The following ITGBL1 variants were observed in gnomAD, a reference collection of about 807,000 sequenced individuals.
ITGBL1 encodes integrin subunit beta like 1, also known as integrin beta-like protein 1.
ITGBL1 carries 51 observed loss-of-function variants against 68.5 expected under a neutral mutation model. The observed-to-expected ratio is 0.74, with a 90% CI of 0.59 to 0.94. The LOEUF is 0.94. Among genes scored for constraint, ITGBL1 ranks in the 40% least tolerant of loss-of-function variants. The pLI is 0.00. For synonymous variants in ITGBL1, 209 were observed against 227.3 expected (o/e 0.92, Z 0.72); for missense variants, 649 against 647.4 (o/e 1.00, Z -0.03).
intron 2 of ITGBL1, among the ~76,000 whole-genome samples, chr13:101,490,266 A>G (rs2048757215): frequency 6.6e-6 from 1 of 152,234 alleles, no homozygotes; most frequent in Admixed American, 6.5e-5. Flanking sequence ...TCTGCAAGCC[A>G]GGAAGAGAGC....
At chr13:101,681,151 C>T (rs530001805) in intron 7 of ITGBL1, among the ~76,000 whole-genome samples, 2 of 152,258 alleles carry the variant, frequency 1.3e-5, no homozygotes, top group Admixed American at 1.3e-4. Context: ...ATTGTGAGCC[C>T]TGCTAAACCT....
chr13:101,502,913 T>G (rs1028097610), intron 2 of ITGBL1, among the ~76,000 whole-genome samples: 2 of 152,198 alleles, frequency 1.3e-5, no homozygotes, highest in African/African-American at 2.4e-5. Flanking sequence ...GATTGTTCCT[T>G]AGTGTTTTTC....
chr13:101,490,911 ATACT>A (rs2048766649), intron 2 of ITGBL1, among the ~76,000 whole-genome samples: 2 of 152,182 alleles, frequency 1.3e-5, no homozygotes. Flanking sequence ...AGGGCCACAG[ATACT>A]TACTGACATT....
intron 2 of ITGBL1, among the ~76,000 whole-genome samples, chr13:101,517,604 TATC>T (rs1412040866): frequency 6.6e-6 from 1 of 152,176 alleles, no homozygotes; most frequent in Non-Finnish European, 1.5e-5. Context: ...CACTAAATGA[TATC>T]ATAATCCTAC....
intron 2 of ITGBL1, among the ~76,000 whole-genome samples, chr13:101,465,664 T>C (rs9585707): frequency 0.094 from 14,376 of 152,204 alleles, 2,053 homozygotes; most frequent in African/African-American, 0.31. Flanking sequence ...CCCTATTATC[T>C]ACTTTTCCAC....
chr13:101,610,225 C>T (rs374074734), intron 7 of ITGBL1, among the ~76,000 whole-genome samples: 26 of 152,006 alleles, frequency 1.7e-4, no homozygotes, highest in African/African-American at 6.3e-4. Flanking sequence ...AACAGGCAAA[C>T]CAGATACTTT....
chr13:101,547,911 A>G (rs554374593), intron 2 of ITGBL1, among the ~76,000 whole-genome samples: 2,416 of 114,788 alleles, frequency 0.021, 75 homozygotes, highest in African/African-American at 0.1. Context: ...GTGTGTGTGT[A>G]TATATATATA....
At chr13:101,570,196 G>T (rs1239510765) in intron 3 of ITGBL1, among the ~76,000 whole-genome samples, 1 of 152,054 alleles carries the variant, frequency 6.6e-6, no homozygotes, top group Non-Finnish European at 1.5e-5. Context: ...TTATTTCATT[G>T]ATTTGTTATT....
rs61965090 is a variant in ITGBL1 at position 101,665,359 on chromosome 13, C to T, written c.1016-27226C>T. ...GGTCTTGACATATTTCATGAATATT[C>T]CTATTTTCTGTTTTTTATATGTTAT... On this transcript the variant is annotated intron_variant, in intron 7 of 10. Coordinates refer to ENST00000376180, the MANE Select transcript of ITGBL1 (RefSeq NM_004791.3). Among the ~76,000 whole-genome samples the T allele has an allele frequency of 2.0e-3, 307 of 151,680 alleles. 1 individual carries two copies. The highest frequency in any genetic ancestry group is 3.6e-3 in the Non-Finnish European group (244 of 67,896).
chr13:101,483,928 C>T (rs1264873019), intron 2 of ITGBL1, among the ~76,000 whole-genome samples: 1 of 152,136 alleles, frequency 6.6e-6, no homozygotes, highest in Non-Finnish European at 1.5e-5. Context: ...CCTCTATTCA[C>T]ACAGCAGGGC....
intron 2 of ITGBL1, among the ~76,000 whole-genome samples, chr13:101,527,228 A>T (rs2049396196): frequency 6.6e-6 from 1 of 152,102 alleles, no homozygotes; most frequent in South Asian, 2.1e-4. Flanking sequence ...TCTCCAAAAT[A>T]TTTCCTCATG....
At chr13:101,556,509 C>T (rs574693645) in intron 2 of ITGBL1, among the ~76,000 whole-genome samples, 2 of 152,220 alleles carry the variant, frequency 1.3e-5, no homozygotes, top group Admixed American at 1.3e-4. Context: ...GTGGCACATG[C>T]CTGTAATCCC....
intron 6 of ITGBL1, 109 bp from the exon 7 acceptor site, chr13:101,598,044 G>A: frequency 2.0e-6 from 2 of 1,008,402 alleles, no homozygotes; most frequent in Non-Finnish European, 2.9e-6. Context: ...GTTATATTAT[G>A]TTCATCAAGA....
intron 7 of ITGBL1, among the ~76,000 whole-genome samples, chr13:101,600,231 C>T (rs2030275623): frequency 6.6e-6 from 1 of 152,016 alleles, no homozygotes. Context: ...TGATTTGGCT[C>T]TCTGTTTGTC....
At chr13:101,656,226 A>G (rs1374572950) in intron 7 of ITGBL1, among the ~76,000 whole-genome samples, 1 of 152,144 alleles carries the variant, frequency 6.6e-6, no homozygotes, top group African/African-American at 2.4e-5. Context: ...TTAGAGACAA[A>G]AGATGTCAAA....
At chr13:101,622,915 ATGTGTGTGTGTGTGTG>A (rs59267168) in intron 7 of ITGBL1, among the ~76,000 whole-genome samples, 1 of 148,404 alleles carries the variant, frequency 6.7e-6, no homozygotes, top group African/African-American at 2.5e-5. Context: ...TGGGGTATGT[ATGTGTGTGTGTGTGTG>A]TGTGTGTGTG....
intron 7 of ITGBL1, among the ~76,000 whole-genome samples, chr13:101,614,699 G>A (rs751279163): frequency 7.2e-5 from 11 of 152,202 alleles, no homozygotes; most frequent in East Asian, 3.9e-4. Context: ...GAAGTGAGGC[G>A]CATGCTCAGG....
At chr13:101,472,159 CA>C (rs577584296) in intron 2 of ITGBL1, among the ~76,000 whole-genome samples, 2 of 152,200 alleles carry the variant, frequency 1.3e-5, no homozygotes, top group South Asian at 4.1e-4. Flanking sequence ...TGTCCCTTCA[CA>C]AAAATCCTTA....
chr13:101,485,187 G>A (rs763662885), intron 2 of ITGBL1, among the ~76,000 whole-genome samples: 1 of 152,108 alleles, frequency 6.6e-6, no homozygotes, highest in Non-Finnish European at 1.5e-5. Context: ...ATCACTGGTC[G>A]ATGTCAGCTA....
Sources: allele counts gnomAD v4.1 joint callset (sites outside exome capture counted in the v4.1 genomes callset), GRCh38; gene constraint gnomAD v4.1.1; transcripts MANE v1.5; gene names NCBI Gene and HGNC (gene_info 2026-07-23, HGNC 2026-07-21).